NGEF: variants seen among roughly 807,000 people sequenced by gnomAD.
NGEF encodes ephexin-1.
In NGEF, 31 loss-of-function variants were observed where a neutral mutation model predicts 80.9. The observed-to-expected ratio is 0.38, with a 90% CI of 0.29 to 0.52. NGEF has a LOEUF of 0.52. Ranked by LOEUF, NGEF falls within the 20% of genes least tolerant of loss-of-function variation. The pLI is 0.84. For synonymous variants in NGEF, 371 were observed against 370.2 expected (o/e 1.00, Z -0.03); for missense variants, 709 against 926.2 (o/e 0.77, Z 3.04).
chr2:232,940,528 C>CA (rs1242788286), intron 3 of NGEF, among the ~76,000 whole-genome samples: 3 of 151,812 alleles, frequency 2.0e-5, no homozygotes, highest in African/African-American at 4.8e-5. Context: ...AGAGTCTGTG[C>CA]AAAAAAATGA....
At chr2:232,882,142 C>T in intron 13 of NGEF, 44 bp downstream of exon 13, 1 of 1,572,876 alleles carries the variant, frequency 6.4e-7, no homozygotes, top group African/African-American at 1.3e-5. Flanking sequence ...CCGGCAGGGC[C>T]AGCCCAAGGA....
intron 1 of NGEF, among the ~76,000 whole-genome samples, chr2:232,992,848 G>A (rs910985027): frequency 2.6e-5 from 4 of 151,132 alleles, no homozygotes; most frequent in Non-Finnish European, 2.9e-5. Context: ...TTAGCTGGAT[G>A]TGGTGGCACA....
intron 3 of NGEF, among the ~76,000 whole-genome samples, chr2:232,929,147 C>T (rs1693163962): frequency 6.6e-6 from 1 of 152,260 alleles, no homozygotes; most frequent in African/African-American, 2.4e-5. Flanking sequence ...TTTTACGGCC[C>T]TGAGGAAACC....
chr2:232,964,591 G>C (rs934601690), intron 3 of NGEF, among the ~76,000 whole-genome samples: 10 of 152,146 alleles, frequency 6.6e-5, no homozygotes, highest in African/African-American at 2.4e-4. Context: ...ATATTCGGGA[G>C]GCAGGAGAAT....
chr2:232,990,806 T>C lies in NGEF; in HGVS notation c.-74-15842A>G, dbSNP rs115220605. Among the ~76,000 whole-genome samples the C allele has an allele frequency of 9.0e-3, 1,362 of 152,176 alleles. 16 individuals carry two copies. The highest frequency in any genetic ancestry group is 0.032 in the African/African-American group (1,313 of 41,556). ...ACGAAAATTATAGTCCAACATCTCTTATTAATAGAGAAGAAAATGTCCTCA... is the reference window on the plus strand; with the variant it reads ...ACGAAAATTATAGTCCAACATCTCTCATTAATAGAGAAGAAAATGTCCTCA... On this transcript the variant is annotated intron_variant, in intron 1 of 14. Coordinates refer to ENST00000264051, the MANE Select transcript of NGEF (RefSeq NM_019850.3).
intron 1 of NGEF, among the ~76,000 whole-genome samples, chr2:233,004,509 C>T (rs1478901497): frequency 6.6e-6 from 1 of 152,242 alleles, no homozygotes; most frequent in Admixed American, 6.5e-5. Context: ...GGTCCTCTTC[C>T]TGTCTAGATT....
intron 14 of NGEF, among the ~76,000 whole-genome samples, chr2:232,880,918 C>T (rs952654546): frequency 4.5e-4 from 69 of 152,300 alleles, no homozygotes; most frequent in African/African-American, 1.4e-3. Flanking sequence ...TGGGGTCTCC[C>T]GGCTCTAGGG....
Position 232,974,783 on chromosome 2 carries a change from T to C in NGEF, c.108A>G (p.Pro36=). The change falls in exon 2 of 15, where the codon CCA becomes CCG. Residue 36 remains proline, a synonymous_variant. Coordinates refer to ENST00000264051, the MANE Select transcript of NGEF (RefSeq NM_019850.3). ...CAGCTTGAGAAGTCTCCTCTTTTTC[T>C]GGGAGTAACTCAGGTTTCACCTTGG... ...EPAKVKPELL[P]EKEETSQADQ... 6.2e-7 allele frequency: 1 copy of C among 1,614,270 alleles called. No homozygotes were observed. Among genetic ancestry groups the C allele is most frequent in the East Asian group, 2.2e-5 (1 of 44,890 alleles).
intron 3 of NGEF, among the ~76,000 whole-genome samples, chr2:232,945,356 C>T (rs145273190): frequency 3.7e-4 from 56 of 152,082 alleles, no homozygotes; most frequent in Admixed American, 1.1e-3. Flanking sequence ...CAAGTCCTAA[C>T]GCCTGGTACC....
intron 3 of NGEF, among the ~76,000 whole-genome samples, chr2:232,929,583 A>C (rs1693177692): frequency 6.6e-6 from 1 of 152,160 alleles, no homozygotes; most frequent in African/African-American, 2.4e-5. Context: ...AGGCCTGAGA[A>C]TATTCGAGAC....
chr2:232,918,906 C>T (rs576467319), intron 5 of NGEF, among the ~76,000 whole-genome samples: 76 of 152,138 alleles, frequency 5.0e-4, no homozygotes, highest in Non-Finnish European at 7.5e-4. Context: ...GGATTACAGG[C>T]GTGAGCCACC....
At chr2:232,941,094 G>A (rs565585465) in intron 3 of NGEF, among the ~76,000 whole-genome samples, 1 of 152,288 alleles carries the variant, frequency 6.6e-6, no homozygotes, top group South Asian at 2.1e-4. Context: ...AAAAGCCAAT[G>A]AGCCAAGGGT....
chr2:232,985,621 C>T (rs763285061), intron 1 of NGEF, among the ~76,000 whole-genome samples: 5 of 152,094 alleles, frequency 3.3e-5, no homozygotes, highest in Non-Finnish European at 4.4e-5. Context: ...GGCTTGGCGG[C>T]GGGTACCTGT....
rs745429925 is a variant in NGEF at position 232,894,745 on chromosome 2, C to G, written c.989+11G>C. On this transcript the variant is annotated intron_variant, in intron 6 of 14. Coordinates refer to ENST00000264051, the MANE Select transcript of NGEF (RefSeq NM_019850.3). ...GGCCCTGAGGGAGGTGGCTGTCCCC[C>G]CCGTCCTCACCGCTCACTGACAGCC... The G allele has an allele frequency of 5.8e-6, 9 of 1,558,154 alleles. No individual in the cohort carries two copies. Among genetic ancestry groups the G allele is most frequent in the Admixed American group, 3.4e-5 (2 of 59,072 alleles).
intron 9 of NGEF, among the ~76,000 whole-genome samples, chr2:232,887,266 C>T (rs1691723348): frequency 2.0e-5 from 3 of 152,222 alleles, no homozygotes; most frequent in Admixed American, 6.5e-5. Context: ...AGGAGCCAAA[C>T]GTGGCAGAGC....
At chr2:232,994,545 A>G (rs1694739749) in intron 1 of NGEF, among the ~76,000 whole-genome samples, 1 of 152,194 alleles carries the variant, frequency 6.6e-6, no homozygotes, top group Non-Finnish European at 1.5e-5. Context: ...ATATTTTGAG[A>G]AAGAATTTGG....
intron 3 of NGEF, among the ~76,000 whole-genome samples, chr2:232,957,725 T>G (rs1301269716): frequency 6.6e-6 from 1 of 152,194 alleles, no homozygotes. Context: ...TTTCTGCACC[T>G]GTCTGGTCAC....
At chr2:232,962,417 TG>T (rs907736090) in intron 3 of NGEF, among the ~76,000 whole-genome samples, 1 of 150,922 alleles carries the variant, frequency 6.6e-6, no homozygotes, top group Non-Finnish European at 1.5e-5. Flanking sequence ...GGTGTGGTGG[TG>T]GGCACCTGTA....
At chr2:232,926,222 G>C (rs932906144) in intron 4 of NGEF, among the ~76,000 whole-genome samples, 1 of 152,152 alleles carries the variant, frequency 6.6e-6, no homozygotes, top group African/African-American at 2.4e-5. Context: ...CGGCTGCTCT[G>C]ACAACAATGA....
Sources: allele counts gnomAD v4.1 joint callset (sites outside exome capture counted in the v4.1 genomes callset), GRCh38; gene constraint gnomAD v4.1.1; transcripts MANE v1.5; gene names NCBI Gene and HGNC (gene_info 2026-07-23, HGNC 2026-07-21).